The following PCDHGB4 variants were observed in gnomAD, a reference collection of about 807,000 sequenced individuals.
PCDHGB4 encodes the protein protocadherin gamma-B4.
PCDHGB4 carries 38 observed loss-of-function variants against 60.5 expected under a neutral mutation model. That is an observed-to-expected ratio of 0.63 (90% confidence interval 0.48 to 0.82). The LOEUF (loss-of-function observed/expected upper bound fraction) is 0.82. PCDHGB4 is among the 40% of genes least tolerant of loss of function. The probability of loss-of-function intolerance (pLI) is 0.00; values close to 1 mark genes in which losing one functional copy is unlikely to be tolerated. For missense variants in PCDHGB4, 1,109 were observed against 1,209.6 expected, an observed-to-expected ratio of 0.92 and a Z score of 1.23; for synonymous variants, 456 against 509.7, an observed-to-expected ratio of 0.89 and a Z score of 1.42.
At chr5:141,498,967 GGGAGGGAAGGAAGGAAGGAA>G (rs1464205074) in intron 2 of PCDHGB4, among the ~76,000 whole-genome samples, 5 of 129,584 alleles carry the variant, frequency 3.9e-5, no homozygotes, top group African/African-American at 1.6e-4. Flanking sequence ...GAGGGAGGGA[GGGAGGGAAGGAAGGAAGGAA>G]GGAAGGAAGG....
At position 141,491,201 on chromosome 5, in the gene PCDHGB4, C is replaced by T. The variant is rs752813291; in HGVS notation, c.2398-3606C>T. The T allele has an allele frequency of 3.7e-6, 6 of 1,614,226 alleles. No homozygotes were observed. The Admixed American group carries it at 5.0e-5, about 13-fold the overall frequency. On this transcript the variant is annotated intron_variant, in intron 1 of 3. Transcript: ENST00000519479. This position sits in a 1 kb window ranked among gnomAD's most constrained non-coding sequence, Gnocchi z 6.9. ...GTCCTGGTGAGGGACAATGGTGACCCTTCACTCTCCTCCACAGCCACAGTG... is the reference window on the plus strand; with the variant it reads ...GTCCTGGTGAGGGACAATGGTGACCTTTCACTCTCCTCCACAGCCACAGTG...
At chr5:141,446,968 G>A (rs1052445705) in intron 1 of PCDHGB4, among the ~76,000 whole-genome samples, 12 of 152,050 alleles carry the variant, frequency 7.9e-5, no homozygotes, top group African/African-American at 2.4e-4. Flanking sequence ...AGGGAAATTT[G>A]CTGTCTAATT....
At chr5:141,399,066 G>C (rs770799351) in intron 1 of PCDHGB4, 5 of 1,613,726 alleles carry the variant, frequency 3.1e-6, no homozygotes, top group South Asian at 2.2e-5. Context: ...AATATTCAAT[G>C]GTTGTAGAAG....
At position 141,491,257 on chromosome 5, in the gene PCDHGB4, G is replaced by GAAAT. The variant is rs1562145331; in HGVS notation, c.2398-3549_2398-3546dup. On this transcript the variant is annotated intron_variant, in intron 1 of 3. Transcript: ENST00000519479. The surrounding 1 kb of genome is among the most constrained non-coding windows in gnomAD (Gnocchi z 6.9). ...GGTTCTGGAGGATGAGGACCCTGAG[G>GAAAT]AAATGCCCAAATCCAGTGACTTCCT... is the stretch of plus-strand genomic sequence containing the variant. 6.2e-7 allele frequency: 1 copy of GAAAT among 1,614,170 alleles called. No individual in the cohort carries two copies. Among genetic ancestry groups the GAAAT allele is most frequent in the East Asian group, 2.2e-5 (1 of 44,884 alleles).
chr5:141,476,230 G>A lies in PCDHGB4; in HGVS notation c.2398-18577G>A, dbSNP rs906283645. On this transcript the variant is annotated intron_variant, in intron 1 of 3. Coordinates refer to ENST00000519479, the MANE Select transcript of PCDHGB4 (RefSeq NM_003736.4). This position sits in a 1 kb window ranked among gnomAD's most constrained non-coding sequence, Gnocchi z 7.6. Reference sequence around the variant, plus strand: ...CCACGGTCATTCACTATGAGATCCCGGAGGAAAGAGAGAAGGGTTTCGCTG... The same window carrying A: ...CCACGGTCATTCACTATGAGATCCCAGAGGAAAGAGAGAAGGGTTTCGCTG... The A allele has an allele frequency of 1.2e-6, 2 of 1,614,040 alleles. No homozygotes were observed. Among genetic ancestry groups the A allele is most frequent in the Non-Finnish European group, 1.7e-6 (2 of 1,180,024 alleles).
At chr5:141,403,172 C>G (rs1230059414) in intron 1 of PCDHGB4, 13 of 1,613,900 alleles carry the variant, frequency 8.1e-6, no homozygotes, top group Non-Finnish European at 1.1e-5. Flanking sequence ...TAGGACGCAG[C>G]TTTTCTCTCT....
intron 2 of PCDHGB4, 145 bp downstream of exon 2, chr5:141,495,010 G>GT: frequency 6.6e-7 from 1 of 1,516,970 alleles, no homozygotes; most frequent in East Asian, 2.5e-5. Flanking sequence ...GTGTGCGGGG[G>GT]GCTGGCACAC....
In PCDHGB4 at chr5:141,510,353, C is replaced by G. The variant is rs74759939; in HGVS notation, c.2546-594C>G. On this transcript the variant is annotated intron_variant, in intron 3 of 3. Transcript: ENST00000519479. ...CACCCCCACCCCACACACTTACTAA[C>G]GGAACTACCGAATCTCTACTCGTGC... is the stretch of plus-strand genomic sequence containing the variant. Among the ~76,000 whole-genome samples the G allele has an allele frequency of 1.9e-4, 28 of 146,588 alleles. No homozygotes were observed. The East Asian group carries it at 5.6e-3, about 29-fold the overall frequency.
At chr5:141,393,503 G>C (rs2092782893) in intron 1 of PCDHGB4, 1 of 1,614,028 alleles carries the variant, frequency 6.2e-7, no homozygotes, top group Non-Finnish European at 8.5e-7. Flanking sequence ...GCATCCACGT[G>C]ACAGTGTTGG....
At chr5:141,481,913 C>CAAAAA (rs34114744) in intron 1 of PCDHGB4, among the ~76,000 whole-genome samples, 2 of 90,852 alleles carry the variant, frequency 2.2e-5, no homozygotes, top group Non-Finnish European at 4.4e-5. Flanking sequence ...AACTCCATCT[C>CAAAAA]AAAAAAAAAA....
At position 141,418,763 on chromosome 5, in the gene PCDHGB4, C is replaced by G. The variant is rs914122527; in HGVS notation, c.2397+28482C>G. The stretch of plus-strand genomic sequence containing the variant: ...TCTGGATTACACTACAGGAAACATT[C>G]TAACTCAGCAGCCTTTGGATTTTGA... On this transcript the variant is annotated intron_variant, in intron 1 of 3. Coordinates refer to ENST00000519479, the MANE Select transcript of PCDHGB4 (RefSeq NM_003736.4). 5 of 1,613,728 alleles carry G rather than the reference C, an allele frequency of 3.1e-6. No homozygotes were observed. The Admixed American group carries it at 5.0e-5, about 16-fold the overall frequency.
intron 1 of PCDHGB4, chr5:141,418,683 CAG>C: frequency 6.2e-7 from 1 of 1,614,048 alleles, no homozygotes; most frequent in African/African-American, 1.3e-5. Flanking sequence ...GGCATCAACT[CAG>C]AGATCACTTA....
intron 2 of PCDHGB4, among the ~76,000 whole-genome samples, chr5:141,499,686 T>G (rs1400567357): frequency 1.3e-5 from 2 of 149,346 alleles, no homozygotes; most frequent in Non-Finnish European, 3.0e-5. Flanking sequence ...CTTTAACAGA[T>G]GACTTTTTTT....
intron 1 of PCDHGB4, among the ~76,000 whole-genome samples, chr5:141,483,526 G>A (rs2099582495): frequency 6.6e-6 from 1 of 152,118 alleles, no homozygotes; most frequent in African/African-American, 2.4e-5. Flanking sequence ...TCCTGACTAA[G>A]GAAGCTGGGT....
At chr5:141,509,071 G>T (rs1209992467) in intron 3 of PCDHGB4, among the ~76,000 whole-genome samples, 1 of 152,176 alleles carries the variant, frequency 6.6e-6, no homozygotes, top group Admixed American at 6.5e-5. Flanking sequence ...CAGCTCCGGG[G>T]ATTTGCGACA....
chr5:141,414,850 C>T, intron 1 of PCDHGB4: 1 of 1,614,212 alleles, frequency 6.2e-7, no homozygotes, highest in Non-Finnish European at 8.5e-7. Flanking sequence ...TGTGCTGGAC[C>T]AGAACGACAA....
chr5:141,399,775 G>T, intron 1 of PCDHGB4: 3 of 1,613,282 alleles, frequency 1.9e-6, no homozygotes, highest in Non-Finnish European at 2.5e-6. Context: ...GTTGGTGGGC[G>T]ACCGAAACGA....
At chr5:141,505,245 A>G (rs530515894) in intron 2 of PCDHGB4, 148 bp from the exon 3 acceptor site, 294 of 1,430,832 alleles carry the variant, frequency 2.1e-4, no homozygotes, top group Admixed American at 1.8e-3. Flanking sequence ...GAAGGATTGT[A>G]GAAGTGCCTC....
In PCDHGB4 at chr5:141,423,579, G is replaced by A. The variant is rs760902886; in HGVS notation, c.2397+33298G>A. 6 of 1,613,378 alleles carry A rather than the reference G, an allele frequency of 3.7e-6. No homozygotes were observed. In the East Asian group the frequency reaches 1.3e-4, roughly 36 times the overall value. ...ATGGGGACACGCTCATCAGCCAGGA[G>A]AGCTGTGAGAAAAGCGAGCCACTCT... On this transcript the variant is annotated intron_variant, in intron 1 of 3. Transcript: ENST00000519479.
Sources: allele counts gnomAD v4.1 joint callset (sites outside exome capture counted in the v4.1 genomes callset), GRCh38; gene constraint gnomAD v4.1.1; non-coding constraint Gnocchi (gnomAD v3.1); transcripts MANE v1.5; gene names NCBI Gene and HGNC (gene_info 2026-07-23, HGNC 2026-07-21).